MESD: variants seen among roughly 807,000 people sequenced by gnomAD.
The protein encoded by MESD is LRP chaperone MESD.
A neutral mutation model predicts 12.9 loss-of-function variants in MESD; 7 were observed. The observed-to-expected ratio is 0.54, with a 90% confidence interval of 0.31 to 1.02. The LOEUF (loss-of-function observed/expected upper bound fraction) is 1.02, where lower values mean the gene tolerates loss of function less well. Ranked by LOEUF, MESD falls within the 50% of genes least tolerant of loss-of-function variation. The pLI, the probability that MESD is intolerant of heterozygous loss-of-function variation, is 0.05. For missense variants in MESD, 342 were observed against 296.7 expected, an observed-to-expected ratio of 1.15 and a Z score of -1.12; for synonymous variants, 126 against 115.6, an observed-to-expected ratio of 1.09 and a Z score of -0.58.
chr15:80,982,801 GC>G (rs1902615928), intron 1 of MESD, among the ~76,000 whole-genome samples: 1 of 152,130 alleles, frequency 6.6e-6, no homozygotes, highest in African/African-American at 2.4e-5. Context: ...TTTATTGCAG[GC>G]CAGGCACTGT....
downstream of MESD, chr15:80,946,906 A>C: frequency 1.7e-6 from 2 of 1,174,640 alleles, no homozygotes. Flanking sequence ...ATCCCTCCCC[A>C]TGCCCACTTT....
chr15:80,989,737 G>T lies in MESD; in HGVS notation c.55C>A (p.Leu19Met). ...GGTAGCAGTAGCAGCAGCAGCAGCA[G>T]GTCAGAGGCACAAAGCAGGACCACG... ...KAVVLLCASD[L>M]LLLLLLLPPP... The change falls in exon 1 of 3, where the codon CTG (leucine) becomes ATG (methionine). Residue 19 changes from leucine to methionine, a missense_variant. Coordinates refer to ENST00000261758, the MANE Select transcript of MESD (RefSeq NM_015154.3). 1 of 1,604,874 alleles carries T rather than the reference G, an allele frequency of 6.2e-7. No individual in the cohort carries two copies.
chr15:80,983,756 C>T (rs1464057112), intron 1 of MESD, among the ~76,000 whole-genome samples: 1 of 152,124 alleles, frequency 6.6e-6, no homozygotes, highest in Admixed American at 6.5e-5. Flanking sequence ...CAACTTGAAG[C>T]AGCTCTCATG....
downstream of MESD, chr15:80,975,706 G>A (rs530195531): frequency 2.6e-5 from 4 of 152,078 alleles, no homozygotes; most frequent in Non-Finnish European, 4.4e-5. Flanking sequence ...CAGAAAGCCT[G>A]AGGATGAAGA....
At chr15:80,974,393 T>C (rs1380913537), downstream of MESD, among the ~76,000 whole-genome samples, 1 of 152,122 alleles carries the variant, frequency 6.6e-6, no homozygotes, top group Non-Finnish European at 1.5e-5. Flanking sequence ...CCAAACATTT[T>C]GGAATTAGAA....
chr15:80,984,147 C>A (rs1902664856), intron 1 of MESD, among the ~76,000 whole-genome samples: 1 of 152,108 alleles, frequency 6.6e-6, no homozygotes, highest in Non-Finnish European at 1.5e-5. Flanking sequence ...GATCTGCCCA[C>A]CTCGGCCTCC....
Position 80,979,303 on chromosome 15 carries a change from C to G in MESD, c.621G>C (p.Lys207Asn), listed in dbSNP as rs200800639. Residue 207 changes from lysine to asparagine, a missense_variant, in exon 3 of 3, where the codon AAG (lysine) becomes AAC (asparagine). Physicochemically the swap from Lys to Asn is moderately conservative, Grantham distance 94. Coordinates refer to ENST00000261758, the MANE Select transcript of MESD (RefSeq NM_015154.3). ...GATCTCCTTCCTTCTTTTTTTTGCC[C>G]TTGTCTTGCTTTGTTTTATTTTTCT... is the stretch of plus-strand genomic sequence containing the variant. ...SKEKNKTKQD[K>N]GKKKKEGDLK... is the part of the protein sequence containing the mutation. The G allele has an allele frequency of 1.2e-6, 2 of 1,612,036 alleles. No individual in the cohort carries two copies. The highest frequency in any genetic ancestry group is 1.7e-6 in the Non-Finnish European group (2 of 1,179,408).
intron 1 of MESD, among the ~76,000 whole-genome samples, chr15:80,988,742 C>T (rs1055937671): frequency 2.4e-4 from 37 of 152,180 alleles, no homozygotes; most frequent in African/African-American, 8.9e-4. Context: ...TCCTAACCTC[C>T]TCATGTTGCA....
chr15:80,949,363 G>A, intron 4 of MESD: 1 of 290,022 alleles, frequency 3.4e-6, no homozygotes, highest in East Asian at 8.4e-5. Flanking sequence ...GTAAATGTAG[G>A]AGAAAGAGCC....
chr15:80,984,317 T>C (rs189772782), intron 1 of MESD, among the ~76,000 whole-genome samples: 1 of 152,120 alleles, frequency 6.6e-6, no homozygotes, highest in Non-Finnish European at 1.5e-5. Flanking sequence ...CTCACAACTA[T>C]AACCTCAGCA....
intron 3 of MESD, among the ~76,000 whole-genome samples, chr15:80,969,122 C>G (rs915767032): frequency 6.6e-6 from 1 of 152,086 alleles, no homozygotes; most frequent in East Asian, 1.9e-4. Context: ...GCCTGGAGGT[C>G]GAGGCTGCAG....
downstream of MESD, chr15:80,946,848 C>G: frequency 1.4e-6 from 1 of 731,382 alleles, no homozygotes; most frequent in Non-Finnish European, 2.5e-6. Flanking sequence ...AATCCCTGGA[C>G]AGGCCTCTGG....
At chr15:80,960,954 C>A (rs1347418941) in intron 3 of MESD, among the ~76,000 whole-genome samples, 3 of 152,158 alleles carry the variant, frequency 2.0e-5, no homozygotes, top group Non-Finnish European at 4.4e-5. Context: ...TTAGGGAATT[C>A]ATGCCACTGT....
chr15:80,976,005 T>C lies in MESD; in HGVS notation c.*3214A>G, dbSNP rs754270797. ...TGACATTTCTCTTAAAAAATTTTTG[T>C]TTCGTTTTTTTGAGACAGAGTCTCA... On this transcript the variant is annotated 3_prime_UTR_variant, in exon 3 of 3. Transcript: ENST00000261758. 3 of 152,140 alleles carry C rather than the reference T, an allele frequency of 2.0e-5. No individual in the cohort carries two copies. Among genetic ancestry groups the C allele is most frequent in the Non-Finnish European group, 4.4e-5 (3 of 68,046 alleles). 9.4% of individuals were successfully genotyped at this position (152,140 alleles called of 1,614,324 possible). A position where few individuals can be genotyped will look rare whatever the true frequency, so the allele number is the denominator to read the frequency against.
At chr15:80,965,918 G>A (rs1001042252) in intron 3 of MESD, among the ~76,000 whole-genome samples, 1 of 151,956 alleles carries the variant, frequency 6.6e-6, no homozygotes, top group African/African-American at 2.4e-5. Context: ...AAACCTGCAC[G>A]TTGTGCACAT....
chr15:80,982,498 GAAAT>G (rs1230349621), intron 1 of MESD, among the ~76,000 whole-genome samples: 2 of 152,158 alleles, frequency 1.3e-5, no homozygotes, highest in Admixed American at 1.3e-4. Context: ...GTCACACAAT[GAAAT>G]ACTTCACAGC....
chr15:80,946,770 T>G, downstream of MESD: 4 of 610,998 alleles, frequency 6.5e-6, no homozygotes, highest in Non-Finnish European at 1.2e-5. Context: ...GGGAGGGAGC[T>G]CAGGATGTTC....
At position 80,978,441 on chromosome 15, in the gene MESD, T is replaced by C. The variant is rs1902479380; in HGVS notation, c.*778A>G. ...AAACAAATGAGGTTATTGAGTCGTC[T>C]GTCACACTCTGCAAAGGACTCTGAT... On this transcript the variant is annotated 3_prime_UTR_variant, in exon 3 of 3. Coordinates refer to ENST00000261758, the MANE Select transcript of MESD (RefSeq NM_015154.3). 6.6e-6 allele frequency: 1 copy of C among 152,232 alleles called. No homozygotes were observed. The allele number at this position is 152,232 out of a possible 1,614,324, so 9.4% of individuals were successfully genotyped here. A position where few individuals can be genotyped will look rare whatever the true frequency, so the allele number is the denominator to read the frequency against.
At chr15:80,951,052 AG>A (rs1240528036) in intron 4 of MESD, 3 of 152,644 alleles carry the variant, frequency 2.0e-5, no homozygotes, top group African/African-American at 4.8e-5. Context: ...GCTGCTTCAA[AG>A]GCCAGAGTCA....
Sources: allele counts gnomAD v4.1 joint callset (sites outside exome capture counted in the v4.1 genomes callset), GRCh38; gene constraint gnomAD v4.1.1; transcripts MANE v1.5; gene names NCBI Gene and HGNC (gene_info 2026-07-23, HGNC 2026-07-21).